The following TTC12 variants were observed in gnomAD, a reference collection of about 807,000 sequenced individuals.
TTC12 encodes the protein tetratricopeptide repeat protein 12.
A neutral mutation model predicts 90.1 loss-of-function variants in TTC12; 70 were observed. The ratio of observed to expected loss-of-function variants is 0.78; its 90% CI spans 0.64 to 0.95. The LOEUF is 0.95. TTC12 is among the 40% of genes least tolerant of loss of function. TTC12 has a pLI of 0.00. For synonymous variants in TTC12, 296 were observed against 311.5 expected (o/e 0.95, Z 0.53); for missense variants, 819 against 846.1 (o/e 0.97, Z 0.40).
At chr11:113,371,820 G>T (rs1408183926) in intron 21 of TTC12, among the ~76,000 whole-genome samples, 1 of 152,166 alleles carries the variant, frequency 6.6e-6, no homozygotes, top group Admixed American at 6.5e-5. Flanking sequence ...TGCCTTGTCT[G>T]TAAAAGGCAA....
At position 113,327,361 on chromosome 11, in the gene TTC12, T is replaced by C. The variant is rs550622385; in HGVS notation, c.444+1716T>C. 9.8e-5 allele frequency among the ~76,000 whole-genome samples: 15 copies of C among 152,286 alleles called. No homozygotes were observed. In the South Asian group the frequency reaches 3.1e-3, roughly 32 times the overall value. ...CTGGTGTTACAAACCGTTTGAACCA[T>C]TGACTATTTTTAAAATGCTTCCCCT... On this transcript the variant is annotated intron_variant, in intron 6 of 21. Transcript: ENST00000529221.
At chr11:113,355,322 G>C (rs983684940) in intron 16 of TTC12, among the ~76,000 whole-genome samples, 1 of 152,018 alleles carries the variant, frequency 6.6e-6, no homozygotes, top group African/African-American at 2.4e-5. Flanking sequence ...TGTTGTTTCT[G>C]ATTGTGTCTA....
At chr11:113,352,892 T>C (rs1020108361) in intron 16 of TTC12, among the ~76,000 whole-genome samples, 3 of 152,250 alleles carry the variant, frequency 2.0e-5, no homozygotes, top group African/African-American at 4.8e-5. Flanking sequence ...TTTGCTATTG[T>C]GAATAGTGCT....
chr11:113,353,535 C>T (rs1949434063), intron 16 of TTC12, among the ~76,000 whole-genome samples: 1 of 152,148 alleles, frequency 6.6e-6, no homozygotes, highest in Non-Finnish European at 1.5e-5. Flanking sequence ...GAAATCTTTG[C>T]TCGTTCCTGT....
chr11:113,319,594 T>C (rs1472896330), intron 2 of TTC12, among the ~76,000 whole-genome samples: 1 of 151,744 alleles, frequency 6.6e-6, no homozygotes, highest in Non-Finnish European at 1.5e-5. Flanking sequence ...ACCCGCAAAG[T>C]AGTATGTACT....
chr11:113,371,494 T>C (rs939565909), intron 21 of TTC12: 2 of 152,206 alleles, frequency 1.3e-5, no homozygotes, highest in Non-Finnish European at 2.9e-5. Context: ...ATCTGCTTTG[T>C]TGGAGTCCAT....
At chr11:113,333,231 A>G (rs1281393054) in intron 7 of TTC12, among the ~76,000 whole-genome samples, 1 of 151,764 alleles carries the variant, frequency 6.6e-6, no homozygotes, top group Admixed American at 6.6e-5. Context: ...TCCACCCTGC[A>G]CCTGCCCCTC....
At chr11:113,365,181 G>T in intron 21 of TTC12, 121 bp downstream of exon 21, 2 of 884,560 alleles carry the variant, frequency 2.3e-6, no homozygotes, top group Non-Finnish European at 3.5e-6. Flanking sequence ...CATGCTTTCT[G>T]TGCAGACCTA....
chr11:113,368,707 A>C (rs1004237806), downstream of TTC12: 3 of 593,558 alleles, frequency 5.1e-6, no homozygotes, highest in Non-Finnish European at 6.0e-6. Flanking sequence ...ATGCTGCAAC[A>C]GGTCACGGGC....
At chr11:113,319,935 A>G (rs782319472) in intron 2 of TTC12, among the ~76,000 whole-genome samples, 1 of 152,204 alleles carries the variant, frequency 6.6e-6, no homozygotes, top group Non-Finnish European at 1.5e-5. Context: ...AAAAAACTTT[A>G]AAACTTTTAT....
rs782327179 is a variant in TTC12, at chr11:113,339,305, TC to T, written c.658del (p.Leu220PhefsTer24). 4.4e-6 allele frequency: 7 copies of T among 1,607,534 alleles called. No individual in the cohort carries two copies. In the South Asian group the frequency reaches 7.7e-5, roughly 18 times the overall value. On this transcript the variant is annotated frameshift_variant, in exon 10 of 22. Coordinates refer to ENST00000529221, the MANE Select transcript of TTC12 (RefSeq NM_017868.4). LOFTEE classifies it high-confidence loss of function. ...TTCTAGGTTACCTGAATCAAGTAGATCTTCAGGAAAAAGCAGACCTTCAAGA... is the reference window on the plus strand; with the variant it reads ...TTCTAGGTTACCTGAATCAAGTAGATTTCAGGAAAAAGCAGACCTTCAAGA... Reference protein sequence around the residue: ...QVKGYLNQVDLQEKADLQEKE... With the variant: ...QVKGYLNQVDXQEKADLQEKE...
intron 9 of TTC12, 77 bp from the exon 10 acceptor site, chr11:113,339,209 G>T: frequency 1.6e-6 from 2 of 1,237,938 alleles, no homozygotes; most frequent in Non-Finnish European, 1.1e-6. Flanking sequence ...CAAAAGAAAG[G>T]AAAAAAAAAG....
chr11:113,358,345 G>T (rs1185451899), intron 16 of TTC12, among the ~76,000 whole-genome samples: 1 of 152,134 alleles, frequency 6.6e-6, no homozygotes, highest in Non-Finnish European at 1.5e-5. Context: ...CTGCAGTGTG[G>T]GGAGGGAGCA....
intron 20 of TTC12, chr11:113,364,592 C>G: frequency 3.8e-6 from 2 of 522,770 alleles, no homozygotes; most frequent in Non-Finnish European, 7.0e-6. Flanking sequence ...ATTCATCTAA[C>G]AACTGTGTTG....
chr11:113,371,407 T>C (rs1443347322), intron 21 of TTC12: 1 of 151,978 alleles, frequency 6.6e-6, no homozygotes, highest in African/African-American at 2.4e-5. Flanking sequence ...TTTTTATTGT[T>C]TTTTCCCCAA....
intron 2 of TTC12, among the ~76,000 whole-genome samples, chr11:113,316,810 T>C (rs1455508637): frequency 6.6e-6 from 1 of 152,254 alleles, no homozygotes; most frequent in Admixed American, 6.5e-5. Flanking sequence ...AGAAAGTCCT[T>C]TCCCAAGTTC....
chr11:113,347,888 C>T (rs1454050223), intron 13 of TTC12, among the ~76,000 whole-genome samples: 2 of 152,190 alleles, frequency 1.3e-5, no homozygotes, highest in Admixed American at 1.3e-4. Context: ...TGCCCTGTGG[C>T]ATTTGGTCCT....
intron 17 of TTC12, 26 bp from the exon 18 acceptor site, chr11:113,359,914 C>A: frequency 6.4e-7 from 1 of 1,563,402 alleles, no homozygotes; most frequent in Non-Finnish European, 8.7e-7. Flanking sequence ...TTAAAATCTC[C>A]TGCTGGCCTC....
At position 113,362,515 on chromosome 11, in the gene TTC12, T is replaced by C. The variant is rs782791925; in HGVS notation, c.1716+13T>C. On this transcript the variant is annotated intron_variant, in intron 19 of 21. Transcript: ENST00000529221. ...GAAATTCCTGAAGGTAAGATCACTT[T>C]ATTGGTTACAACCCCTGAAATGTAC... The C allele has an allele frequency of 6.5e-7, 1 of 1,549,326 alleles. No homozygotes were observed. Among genetic ancestry groups the C allele is most frequent in the South Asian group, 1.1e-5 (1 of 89,780 alleles).
Sources: allele counts gnomAD v4.1 joint callset (sites outside exome capture counted in the v4.1 genomes callset), GRCh38; gene constraint gnomAD v4.1.1; transcripts MANE v1.5; gene names NCBI Gene and HGNC (gene_info 2026-07-23, HGNC 2026-07-21).